Variants in RAP1GAP2 observed in about 807,000 individuals in gnomAD.
RAP1GAP2 encodes RAP1 GTPase activating protein 2, also known as rap1 GTPase-activating protein 2.
A neutral mutation model predicts 95.0 loss-of-function variants in RAP1GAP2; 27 were observed. The observed-to-expected ratio is 0.28, with a 90% CI of 0.21 to 0.39. The LOEUF (loss-of-function observed/expected upper bound fraction) is 0.39, where lower values mean the gene tolerates loss of function less well. Ranked by LOEUF, RAP1GAP2 falls within the 10% of genes least tolerant of loss-of-function variation. The pLI is 1.00. For synonymous variants in RAP1GAP2, 373 were observed against 380.9 expected, an observed-to-expected ratio of 0.98 and a Z score of 0.24; for missense variants, 771 against 970.0, an observed-to-expected ratio of 0.79 and a Z score of 2.72.
chr17:2,883,273 G>C (rs565635672), intron 2 of RAP1GAP2, among the ~76,000 whole-genome samples: 3 of 152,334 alleles, frequency 2.0e-5, no homozygotes, highest in Admixed American at 1.3e-4. Flanking sequence ...CCCAAGGCTG[G>C]TGTGAAAGCA....
intron 3 of RAP1GAP2, among the ~76,000 whole-genome samples, chr17:2,957,135 A>AG (rs2044145567): frequency 7.5e-6 from 1 of 132,852 alleles, no homozygotes; most frequent in African/African-American, 3.2e-5. Flanking sequence ...CTCAAAAAAA[A>AG]AAAAAAAGAA....
chr17:2,788,499 T>C (rs9906052), intron 1 of RAP1GAP2, among the ~76,000 whole-genome samples: 23,337 of 152,118 alleles, frequency 0.15, 1,849 homozygotes, highest in South Asian at 0.23. Flanking sequence ...GGTTTCACCA[T>C]GTTGATCACA....
At chr17:2,860,436 C>T (rs191948729) in intron 2 of RAP1GAP2, among the ~76,000 whole-genome samples, 21 of 146,404 alleles carry the variant, frequency 1.4e-4, no homozygotes, top group Admixed American at 2.1e-4. Context: ...TTAATTCCTC[C>T]TGAGCCACTA....
intron 2 of RAP1GAP2, among the ~76,000 whole-genome samples, chr17:2,850,266 C>T (rs1283465966): frequency 2.0e-5 from 3 of 151,228 alleles, no homozygotes; most frequent in East Asian, 4.0e-4. Context: ...TCCCAAAGTG[C>T]TGGGATTACA....
At chr17:2,868,186 C>G (rs1283873188) in intron 2 of RAP1GAP2, among the ~76,000 whole-genome samples, 2 of 152,146 alleles carry the variant, frequency 1.3e-5, no homozygotes, top group Non-Finnish European at 2.9e-5. Context: ...GCCCCTCCTT[C>G]CAGACGTCTG....
intron 3 of RAP1GAP2, among the ~76,000 whole-genome samples, chr17:2,909,833 T>C (rs1399533622): frequency 6.6e-6 from 1 of 152,322 alleles, no homozygotes; most frequent in Admixed American, 6.5e-5. Flanking sequence ...TCCTGGGGAC[T>C]CAGACTGGGT....
chr17:2,797,293 C>T lies in RAP1GAP2; in HGVS notation c.44+722C>T, dbSNP rs1459876032. 6.6e-6 allele frequency among the ~76,000 whole-genome samples: 1 copy of T among 152,194 alleles called. No homozygotes were observed. The highest frequency in any genetic ancestry group is 1.5e-5 in the Non-Finnish European group (1 of 68,034). On this transcript the variant is annotated intron_variant, in intron 1 of 24. Coordinates refer to ENST00000254695, the MANE Select transcript of RAP1GAP2 (RefSeq NM_015085.5). The surrounding 1 kb of genome is among the most constrained non-coding windows in gnomAD (Gnocchi z 5.6). ...TCTGGACACTCTTGCCTCTAAGCTT[C>T]TGTCTGGGATGAGGGATGTGCTTTT...
At chr17:3,010,047 C>G (rs538773805) in intron 17 of RAP1GAP2, among the ~76,000 whole-genome samples, 4 of 152,022 alleles carry the variant, frequency 2.6e-5, no homozygotes, top group Non-Finnish European at 4.4e-5. Context: ...TTATGCAGAA[C>G]TATAAGAGGT....
At chr17:2,869,344 G>A (rs566049299) in intron 2 of RAP1GAP2, among the ~76,000 whole-genome samples, 41 of 152,006 alleles carry the variant, frequency 2.7e-4, no homozygotes, top group African/African-American at 8.7e-4. Flanking sequence ...GTTCCTGTTC[G>A]GGATGATGAT....
At chr17:2,761,655 T>G (rs1037700859) in intron 1 of RAP1GAP2, among the ~76,000 whole-genome samples, 10 of 152,182 alleles carry the variant, frequency 6.6e-5, no homozygotes, top group Admixed American at 1.3e-4. Flanking sequence ...CTTGGGGGAT[T>G]GGTTTCAGCA....
At chr17:2,822,007 C>G (rs956611575) in intron 2 of RAP1GAP2, among the ~76,000 whole-genome samples, 1 of 152,078 alleles carries the variant, frequency 6.6e-6, no homozygotes, top group Admixed American at 6.6e-5. Context: ...CCAGTGCCAC[C>G]GGGTGGTGCT....
chr17:2,797,696 G>A lies in RAP1GAP2; in HGVS notation c.44+1125G>A, dbSNP rs1294499003. Reference sequence around the variant, plus strand: ...GCACTCCATGTTTGGCAGATGGGATGGTGCGGATGAGAAGATGGCACAGCG... The same window carrying A: ...GCACTCCATGTTTGGCAGATGGGATAGTGCGGATGAGAAGATGGCACAGCG... On this transcript the variant is annotated intron_variant, in intron 1 of 24. Coordinates refer to ENST00000254695, the MANE Select transcript of RAP1GAP2 (RefSeq NM_015085.5). This position sits in a 1 kb window ranked among gnomAD's most constrained non-coding sequence, Gnocchi z 5.6. The A allele has an allele frequency of 1.0e-6, 1 of 985,272 alleles. No individual in the cohort carries two copies. The highest frequency in any genetic ancestry group is 1.7e-5 in the African/African-American group (1 of 57,230). The allele number at this position is 985,272 out of a possible 1,614,324, so 61.0% of individuals were successfully genotyped here. A position where few individuals can be genotyped will look rare whatever the true frequency, so the allele number is the denominator to read the frequency against.
chr17:2,812,087 AC>A lies in RAP1GAP2; in HGVS notation c.80+11540del, dbSNP rs2069792692. Among the ~76,000 whole-genome samples, 5 of 152,092 alleles carry A rather than the reference AC, an allele frequency of 3.3e-5. No individual in the cohort carries two copies. In the South Asian group the frequency reaches 1.0e-3, roughly 32 times the overall value. ...TAAAGAACAGAGCTGGCCGCAGCCT[AC>A]CCTGCAGACCAGAGTCAGCCGGACC... On this transcript the variant is annotated intron_variant, in intron 2 of 24. Coordinates refer to ENST00000254695, the MANE Select transcript of RAP1GAP2 (RefSeq NM_015085.5).
chr17:2,927,445 G>A (rs113175425), intron 3 of RAP1GAP2, among the ~76,000 whole-genome samples: 48 of 152,278 alleles, frequency 3.2e-4, no homozygotes, highest in Admixed American at 7.2e-4. Context: ...GAGCCACCGC[G>A]CCCGGCTGAG....
upstream of RAP1GAP2, among the ~76,000 whole-genome samples, chr17:2,795,523 GC>G (rs368568467): frequency 8.5e-3 from 1,292 of 152,150 alleles, 18 homozygotes; most frequent in African/African-American, 0.029. Flanking sequence ...CATGGGTACC[GC>G]CCCCCCACCC....
Position 2,855,410 on chromosome 17 carries a change from G to C in RAP1GAP2, c.81-49874G>C, listed in dbSNP as rs1415475350. 6.6e-6 allele frequency among the ~76,000 whole-genome samples: 1 copy of C among 152,210 alleles called. No homozygotes were observed. Among genetic ancestry groups the C allele is most frequent in the Non-Finnish European group, 1.5e-5 (1 of 68,044 alleles). ...GCTAATCTTCCTTTTGTAATTAAGA[G>C]AGAGCAGACCTCCGGCTCCCGGTCC... On this transcript the variant is annotated intron_variant, in intron 2 of 24. Coordinates refer to ENST00000254695, the MANE Select transcript of RAP1GAP2 (RefSeq NM_015085.5). The surrounding 1 kb of genome is among the most constrained non-coding windows in gnomAD (Gnocchi z 4.3).
At chr17:2,956,653 A>T (rs559127418) in intron 3 of RAP1GAP2, among the ~76,000 whole-genome samples, 3 of 152,270 alleles carry the variant, frequency 2.0e-5, no homozygotes, top group Admixed American at 6.5e-5. Context: ...TAGTCTGAGG[A>T]GGAGTAGCTG....
upstream of RAP1GAP2, among the ~76,000 whole-genome samples, chr17:2,794,719 T>C (rs2069020312): frequency 2.6e-5 from 4 of 152,108 alleles, no homozygotes; most frequent in South Asian, 6.2e-4. Context: ...ATAGAAATCC[T>C]TGTACCCTTC....
chr17:2,981,559 G>A (rs1301179622), intron 10 of RAP1GAP2, among the ~76,000 whole-genome samples: 1 of 152,134 alleles, frequency 6.6e-6, no homozygotes, highest in Admixed American at 6.5e-5. Flanking sequence ...TGCTGGAGGT[G>A]GACGTGACTC....
Sources: gnomAD v4.1 joint callset for allele counts (sites outside exome capture counted in the v4.1 genomes callset) on GRCh38, gnomAD v4.1.1 for gene constraint, Gnocchi (gnomAD v3.1) non-coding constraint, MANE v1.5 for transcripts, NCBI Gene and HGNC (gene_info 2026-07-23, HGNC 2026-07-21) for gene names.